TNS3: variants seen among roughly 807,000 people sequenced by gnomAD.
TNS3 encodes tensin 3.
In TNS3, 45 loss-of-function variants were observed where a neutral mutation model predicts 140.9. The ratio of observed to expected loss-of-function variants is 0.32; its 90% CI spans 0.25 to 0.41. TNS3 has a LOEUF of 0.41. TNS3 is among the 10% of genes least tolerant of loss of function. The probability of loss-of-function intolerance (pLI) is 1.00; values close to 1 mark genes in which losing one functional copy is unlikely to be tolerated. For synonymous variants in TNS3, 815 were observed against 788.4 expected, an observed-to-expected ratio of 1.03 and a Z score of -0.56; for missense variants, 1,716 against 1,906.7, an observed-to-expected ratio of 0.90 and a Z score of 1.86.
rs745503264 is a variant in TNS3 at position 47,413,971 on chromosome 7, G to C, written c.613C>G (p.Gln205Glu). The C allele has an allele frequency of 1.2e-6, 2 of 1,613,762 alleles. No homozygotes were observed. The highest frequency in any genetic ancestry group is 2.7e-5 in the African/African-American group (2 of 74,856). The part of the protein sequence containing the change: ...GVCRPFLKLY[Q>E]AMQPVYTSGI... ...GAGGTGTACACAGGCTGCATGGCTT[G>C]GTAGAGCTTCAGAAAGGGCCGGCAC... The change falls in exon 12 of 31, where the codon CAA becomes GAA. Residue 205 changes from glutamine to glutamate, a missense_variant. Physicochemically the swap from Gln to Glu is conservative, Grantham distance 29. Around this residue, in one of 3 missense-constraint regions of TNS3, gnomAD observed 337 missense variants for 428.9 expected, o/e 0.79. Transcript: ENST00000311160.
intron 2 of TNS3, among the ~76,000 whole-genome samples, chr7:47,528,108 G>A (rs185952350): frequency 9.7e-4 from 147 of 152,160 alleles, no homozygotes; most frequent in African/African-American, 3.5e-3. Context: ...CTTCTCCAAG[G>A]GGCCGAATCA....
chr7:47,350,439 G>A (rs954050005), intron 17 of TNS3, among the ~76,000 whole-genome samples: 1 of 152,220 alleles, frequency 6.6e-6, no homozygotes, highest in African/African-American at 2.4e-5. Flanking sequence ...TTTCCAAAGG[G>A]TCTGAGTGCA....
intron 16 of TNS3, among the ~76,000 whole-genome samples, chr7:47,392,329 G>A (rs1198067645): frequency 1.3e-5 from 2 of 152,196 alleles, no homozygotes; most frequent in Non-Finnish European, 1.5e-5. Flanking sequence ...GAGTATAGAA[G>A]CAGAATGTTG....
intron 4 of TNS3, among the ~76,000 whole-genome samples, chr7:47,462,213 T>C (rs577236703): frequency 6.6e-6 from 1 of 152,210 alleles, no homozygotes; most frequent in Non-Finnish European, 1.5e-5. Flanking sequence ...GTAAGTGACA[T>C]GCAAGCAGCA....
chr7:47,561,867 T>C (rs1488217406), intron 1 of TNS3, among the ~76,000 whole-genome samples: 1 of 152,298 alleles, frequency 6.6e-6, no homozygotes, highest in African/African-American at 2.4e-5. Flanking sequence ...AGCAGGACTA[T>C]GCAGACAGAA....
At position 47,297,169 on chromosome 7, in the gene TNS3, G is replaced by C; in HGVS notation, c.3589C>G (p.Arg1197Gly). Residue 1197 changes from arginine (R) to glycine (G), a missense_variant, in exon 24 of 31, where the codon CGA becomes GGA. Arg to Gly is a moderately radical substitution (Grantham distance 125). Coordinates refer to ENST00000311160, the MANE Select transcript of TNS3 (RefSeq NM_022748.12). Reference protein sequence around the residue: ...KDKEPGSFIVRDSHSFRGAYG... With the variant: ...KDKEPGSFIVGDSHSFRGAYG... ...GCCCCTCGGAAGGAATGGCTGTCTC[G>C]AACAATGAATGAGCCCGGCTCCTTG... The C allele has an allele frequency of 6.2e-7, 1 of 1,613,690 alleles. No individual in the cohort carries two copies. Among genetic ancestry groups the C allele is most frequent in the South Asian group, 1.1e-5 (1 of 91,028 alleles).
intron 27 of TNS3, among the ~76,000 whole-genome samples, chr7:47,286,658 G>T (rs527848011): frequency 6.6e-6 from 1 of 152,262 alleles, no homozygotes; most frequent in East Asian, 1.9e-4. Flanking sequence ...CCACATGTGG[G>T]AATTTGTCCT....
At chr7:47,430,613 A>C (rs1261034405) in intron 8 of TNS3, among the ~76,000 whole-genome samples, 1 of 152,182 alleles carries the variant, frequency 6.6e-6, no homozygotes, top group South Asian at 2.1e-4. Flanking sequence ...ATTGCATCAG[A>C]ATACGCATTC....
chr7:47,389,086 G>GAAGCAGAAGCA (rs1290389805), intron 16 of TNS3, among the ~76,000 whole-genome samples: 2 of 52,368 alleles, frequency 3.8e-5, no homozygotes, highest in African/African-American at 3.1e-4. Context: ...AAGAAGAAGA[G>GAAGCAGAAGCA]GAAGAGGAAG....
chr7:47,452,892 A>C, intron 4 of TNS3: 3 of 984,816 alleles, frequency 3.0e-6, no homozygotes, highest in Non-Finnish European at 3.6e-6. Context: ...GCCCAGTGCC[A>C]GCCCAGCCGA....
chr7:47,305,083 C>T, intron 20 of TNS3, 80 bp from the exon 21 acceptor site: 1 of 1,154,190 alleles, frequency 8.7e-7, no homozygotes, highest in Non-Finnish European at 1.1e-6. Context: ...TTTGCATGTT[C>T]CACAAGAAAC....
At chr7:47,400,514 T>G (rs773417770) in intron 14 of TNS3, 56 bp from the exon 15 acceptor site, 9 of 1,565,232 alleles carry the variant, frequency 5.7e-6, no homozygotes, top group Non-Finnish European at 7.9e-6. Flanking sequence ...CGGAAAAGTA[T>G]GGACTGACTT....
At chr7:47,396,458 TC>T in intron 16 of TNS3, 1 of 263,088 alleles carries the variant, frequency 3.8e-6, no homozygotes, top group Non-Finnish European at 7.3e-6. Context: ...GCGCTTGGCA[TC>T]CCCATATGCA....
In TNS3 at chr7:47,369,438, T is replaced by C. The variant is rs764780675; in HGVS notation, c.1208A>G (p.Asp403Gly). 3.1e-6 allele frequency: 5 copies of C among 1,614,162 alleles called. No individual in the cohort carries two copies. The highest frequency in any genetic ancestry group is 1.3e-5 in the African/African-American group (1 of 75,058). ...TGGGGCCAGGCGCTCTTCCGTCTTA[T>C]CCGTCCTGGCAGAGGCTGTAGAGTG... is the stretch of plus-strand genomic sequence containing the variant. Reference protein sequence around the residue: ...SGHSTASARTDKTEERLAPGT... With the variant: ...SGHSTASARTGKTEERLAPGT... The change falls in exon 17 of 31, where the codon GAT (aspartate) becomes GGT (glycine). Residue 403 changes from aspartate to glycine, a missense_variant. Transcript: ENST00000311160.
chr7:47,516,325 C>A (rs1798777426), intron 2 of TNS3, among the ~76,000 whole-genome samples: 1 of 152,072 alleles, frequency 6.6e-6, no homozygotes, highest in Non-Finnish European at 1.5e-5. Context: ...AGCAGCCCAT[C>A]CCTGACTCTG....
At chr7:47,281,939 T>G (rs906830314) in intron 28 of TNS3, among the ~76,000 whole-genome samples, 10 of 146,434 alleles carry the variant, frequency 6.8e-5, no homozygotes, top group African/African-American at 2.5e-4. Context: ...ACCCTGACCC[T>G]GACCCTGAGT....
At chr7:47,373,187 G>A (rs924866871) in intron 16 of TNS3, among the ~76,000 whole-genome samples, 6 of 152,154 alleles carry the variant, frequency 3.9e-5, no homozygotes, top group South Asian at 2.1e-4. Context: ...CAAAGGAGAC[G>A]GCCGTTTCCC....
chr7:47,470,218 A>T (rs1186924650), intron 4 of TNS3, among the ~76,000 whole-genome samples: 3 of 152,172 alleles, frequency 2.0e-5, no homozygotes, highest in African/African-American at 7.2e-5. Flanking sequence ...CCAAGTGAGG[A>T]GAGTGGGAGA....
chr7:47,453,407 G>A (rs12671721), intron 4 of TNS3, among the ~76,000 whole-genome samples: 3,420 of 152,184 alleles, frequency 0.022, 66 homozygotes, highest in East Asian at 0.078. Context: ...CTGCTGGGAG[G>A]GCAGGTTACT....
Sources: gnomAD v4.1 joint callset for allele counts (sites outside exome capture counted in the v4.1 genomes callset) on GRCh38, gnomAD v4.1.1 for gene constraint, gnomAD v4.1.1 regional missense constraint, MANE v1.5 for transcripts, NCBI Gene and HGNC (gene_info 2026-07-23, HGNC 2026-07-21) for gene names.